ZMIZ1: variants seen among roughly 807,000 people sequenced by gnomAD.
The protein encoded by ZMIZ1 is zinc finger MIZ domain-containing protein 1.
Under a neutral mutation model 113.9 loss-of-function variants are expected in ZMIZ1, and 17 were observed. The ratio of observed to expected loss-of-function variants is 0.15; its 90% CI spans 0.10 to 0.22. ZMIZ1 has a LOEUF of 0.22. Ranked by LOEUF, ZMIZ1 falls within the 10% of genes least tolerant of loss-of-function variation. ZMIZ1 has a pLI of 1.00. For missense variants in ZMIZ1, 1,059 were observed against 1,477.8 expected (o/e 0.72, Z 4.65); for synonymous variants, 607 against 603.1 (o/e 1.01, Z -0.09).
chr10:79,097,178 G>A (rs552002084), intron 1 of ZMIZ1, among the ~76,000 whole-genome samples: 1 of 152,190 alleles, frequency 6.6e-6, no homozygotes, highest in Admixed American at 6.5e-5. Context: ...CTGCTGGGGG[G>A]TCCCACATGG....
intron 1 of ZMIZ1, among the ~76,000 whole-genome samples, chr10:79,116,417 G>A (rs186605699): frequency 1.3e-5 from 2 of 152,268 alleles, no homozygotes; most frequent in African/African-American, 4.8e-5. Flanking sequence ...AGAGAGAACT[G>A]TGTGAATATG....
At chr10:79,273,671 T>C (rs1267801897) in intron 7 of ZMIZ1, among the ~76,000 whole-genome samples, 1 of 152,248 alleles carries the variant, frequency 6.6e-6, no homozygotes, top group Non-Finnish European at 1.5e-5. Context: ...GCTTCTTGGT[T>C]TCTGACAGGC....
At chr10:79,242,200 C>T (rs1252708242) in intron 7 of ZMIZ1, among the ~76,000 whole-genome samples, 1 of 152,112 alleles carries the variant, frequency 6.6e-6, no homozygotes, top group Non-Finnish European at 1.5e-5. Context: ...GCTGAAAGCC[C>T]GGAGCCCTTG....
chr10:79,073,959 A>T (rs1017077600), intron 1 of ZMIZ1, among the ~76,000 whole-genome samples: 13 of 152,210 alleles, frequency 8.5e-5, no homozygotes, highest in African/African-American at 2.7e-4. Flanking sequence ...CCCACAGTCC[A>T]GTGCCGGCAG....
At chr10:79,103,751 G>T (rs867015902) in intron 1 of ZMIZ1, among the ~76,000 whole-genome samples, 38 of 152,304 alleles carry the variant, frequency 2.5e-4, no homozygotes, top group African/African-American at 8.4e-4. Context: ...GAGCCAGGCT[G>T]TGTGGGCGAG....
chr10:79,236,770 A>G (rs1018716079), intron 7 of ZMIZ1, among the ~76,000 whole-genome samples: 2 of 152,134 alleles, frequency 1.3e-5, no homozygotes, highest in African/African-American at 4.8e-5. Flanking sequence ...TTCTTGGTTC[A>G]CTCATTCATT....
chr10:79,177,237 C>G (rs971256312), intron 4 of ZMIZ1, among the ~76,000 whole-genome samples: 4 of 152,202 alleles, frequency 2.6e-5, no homozygotes, highest in African/African-American at 7.2e-5. Flanking sequence ...CCCCACAGCA[C>G]CGCCACAAAA....
rs1451993424 is a variant in ZMIZ1, at chr10:79,068,972, T to A, written c.-635T>A. ...GCTCCGGGCGAGTTGATTCACTTAC[T>A]CACCCCCTAACGCCGAGTTCCTTTT... On this transcript the variant is annotated 5_prime_UTR_variant, in exon 1 of 25. Coordinates refer to ENST00000334512, the MANE Select transcript of ZMIZ1 (RefSeq NM_020338.4). The A allele has an allele frequency of 1.3e-5, 2 of 151,382 alleles. No individual in the cohort carries two copies. The highest frequency in any genetic ancestry group is 6.6e-5 in the Admixed American group (1 of 15,144). 9.4% of individuals were successfully genotyped at this position (151,382 alleles called of 1,614,324 possible).
At chr10:79,243,164 C>T (rs1393505120) in intron 7 of ZMIZ1, among the ~76,000 whole-genome samples, 2 of 151,416 alleles carry the variant, frequency 1.3e-5, no homozygotes, top group Non-Finnish European at 3.0e-5. Flanking sequence ...GAGCCCCCAG[C>T]CCCACGCGGG....
At chr10:79,219,482 C>T (rs1434210654) in intron 7 of ZMIZ1, among the ~76,000 whole-genome samples, 5 of 152,242 alleles carry the variant, frequency 3.3e-5, no homozygotes, top group Non-Finnish European at 7.3e-5. Context: ...CTCCTGGCTG[C>T]AGGCCCAGGG....
intron 3 of ZMIZ1, among the ~76,000 whole-genome samples, chr10:79,153,521 CCTTT>C (rs1845785738): frequency 6.6e-6 from 1 of 152,266 alleles, no homozygotes; most frequent in Non-Finnish European, 1.5e-5. Flanking sequence ...CCTGTCATCC[CCTTT>C]CTTCCCTGGC....
At chr10:79,145,112 C>G (rs1845427702) in intron 3 of ZMIZ1, among the ~76,000 whole-genome samples, 1 of 152,004 alleles carries the variant, frequency 6.6e-6, no homozygotes, top group Non-Finnish European at 1.5e-5. Flanking sequence ...TTCCCCCTCC[C>G]CCTCTGTCTG....
intron 7 of ZMIZ1, among the ~76,000 whole-genome samples, chr10:79,218,181 A>G (rs1848813813): frequency 6.6e-6 from 1 of 152,164 alleles, no homozygotes. Context: ...AACTTTATTT[A>G]TGAAAACAAG....
intron 8 of ZMIZ1, among the ~76,000 whole-genome samples, chr10:79,281,776 G>C (rs1852754798): frequency 6.6e-6 from 1 of 152,230 alleles, no homozygotes; most frequent in African/African-American, 2.4e-5. Flanking sequence ...CACTTTGAAT[G>C]GCAGAACTGG....
intron 7 of ZMIZ1, among the ~76,000 whole-genome samples, chr10:79,229,523 C>CA (rs1392481783): frequency 6.6e-6 from 1 of 152,160 alleles, no homozygotes; most frequent in Non-Finnish European, 1.5e-5. Context: ...GATGAAGAGA[C>CA]ACTATTGTCT....
At chr10:79,085,761 T>G (rs1416700875) in intron 1 of ZMIZ1, among the ~76,000 whole-genome samples, 1 of 152,210 alleles carries the variant, frequency 6.6e-6, no homozygotes, top group Admixed American at 6.5e-5. Context: ...ATGAGACTCT[T>G]ATTCTGGGAA....
rs920239685 is a variant in ZMIZ1 at position 79,315,347 on chromosome 10, C to T, written c.*2598C>T. ...CCAGGTTGTGACAGGTGCAGGTAGA[C>T]AACGCCCATAAACAGAGATGGTCCT... On this transcript the variant is annotated 3_prime_UTR_variant, in exon 25 of 25. Transcript: ENST00000334512. 1 of 152,918 alleles carries T rather than the reference C, an allele frequency of 6.5e-6. No homozygotes were observed. The highest frequency in any genetic ancestry group is 2.4e-5 in the African/African-American group (1 of 41,450). 9.5% of individuals were successfully genotyped at this position (152,918 alleles called of 1,614,324 possible).
At chr10:79,262,118 G>T (rs1471152010) in intron 7 of ZMIZ1, among the ~76,000 whole-genome samples, 1 of 152,200 alleles carries the variant, frequency 6.6e-6, no homozygotes, top group African/African-American at 2.4e-5. Flanking sequence ...GGAGAGAAAA[G>T]AATGTTTCCC....
At chr10:79,248,062 T>C (rs993574361) in intron 7 of ZMIZ1, among the ~76,000 whole-genome samples, 10 of 152,158 alleles carry the variant, frequency 6.6e-5, no homozygotes, top group African/African-American at 2.4e-4. Flanking sequence ...AGAAAGAAGC[T>C]TGGGCCATGT....
Sources: allele counts gnomAD v4.1 joint callset (sites outside exome capture counted in the v4.1 genomes callset), GRCh38; gene constraint gnomAD v4.1.1; transcripts MANE v1.5; gene names NCBI Gene and HGNC (gene_info 2026-07-23, HGNC 2026-07-21).